Variants in KCNJ9 observed in about 807,000 individuals in gnomAD.
KCNJ9 encodes the protein potassium inwardly rectifying channel subfamily J member 9.
Under a neutral mutation model 27.9 loss-of-function variants are expected in KCNJ9, and 18 were observed. The observed-to-expected ratio is 0.65, with a 90% CI of 0.45 to 0.96. The LOEUF (loss-of-function observed/expected upper bound fraction) is 0.96, where lower values mean the gene tolerates loss of function less well. Among genes scored for constraint, KCNJ9 ranks in the 40% least tolerant of loss-of-function variants. The pLI is 0.00. For missense variants in KCNJ9, 324 were observed against 557.5 expected, an observed-to-expected ratio of 0.58 and a Z score of 4.22; for synonymous variants, 229 against 248.2, an observed-to-expected ratio of 0.92 and a Z score of 0.73.
At chr1:160,085,376 T>C (rs1649758515) in intron 2 of KCNJ9, among the ~76,000 whole-genome samples, 1 of 152,250 alleles carries the variant, frequency 6.6e-6, no homozygotes, top group African/African-American at 2.4e-5. Context: ...GCAATGTGGC[T>C]TCAATGTTTA....
At position 160,084,060 on chromosome 1, in the gene KCNJ9, C is replaced by T. The variant is rs1649731275; in HGVS notation, c.30C>T (p.Pro10=). The part of the protein sequence containing the change: MAQENAAFS[P]GQEEPPRRRG... The stretch of plus-strand genomic sequence containing the variant: ...CGCAGGAGAACGCGGCCTTCTCGCC[C>T]GGGCAGGAGGAGCCGCCGCGGCGCC... The change falls in exon 2 of 3, where the codon CCC becomes CCT. Residue 10 remains proline, a synonymous_variant. Coordinates refer to ENST00000368088, the MANE Select transcript of KCNJ9 (RefSeq NM_004983.3). The T allele has an allele frequency of 2.0e-6, 3 of 1,529,028 alleles. No homozygotes were observed. The East Asian group carries it at 7.4e-5, about 38-fold the overall frequency. 94.7% of individuals were successfully genotyped at this position (1,529,028 alleles called of 1,614,324 possible).
At chr1:160,083,893 C>T (rs1649727493) in intron 1 of KCNJ9, 24 bp from the exon 2 acceptor site, 2 of 766,636 alleles carry the variant, frequency 2.6e-6, no homozygotes, top group Admixed American at 4.8e-5. Flanking sequence ...CGAGGGGCCA[C>T]TCATTCGGCA....
chr1:160,087,879 A>G lies in KCNJ9; in HGVS notation c.*62A>G. ...CAGACACAGATACATGGGGAACTGC[A>G]TATCGGAGGTGGTGGAGGAGGAGGA... On this transcript the variant is annotated 3_prime_UTR_variant, in exon 3 of 3. Coordinates refer to ENST00000368088, the MANE Select transcript of KCNJ9 (RefSeq NM_004983.3). 7.3e-7 allele frequency: 1 copy of G among 1,365,840 alleles called. No individual in the cohort carries two copies. Among genetic ancestry groups the G allele is most frequent in the South Asian group, 1.9e-5 (1 of 53,470 alleles). 84.6% of individuals were successfully genotyped at this position (1,365,840 alleles called of 1,614,324 possible).
chr1:160,083,853 G>A (rs1298259107), intron 1 of KCNJ9, 64 bp from the exon 2 acceptor site: 1 of 416,648 alleles, frequency 2.4e-6, no homozygotes, highest in East Asian at 5.0e-5. Flanking sequence ...GCTCGGTGCT[G>A]GCCCTGATGC....
chr1:160,087,889 T>C lies in KCNJ9; in HGVS notation c.*72T>C. 7 of 1,317,458 alleles carry C rather than the reference T, an allele frequency of 5.3e-6. No homozygotes were observed. The highest frequency in any genetic ancestry group is 6.9e-6 in the Non-Finnish European group (7 of 1,020,452). The allele number at this position is 1,317,458 out of a possible 1,614,324, so 81.6% of individuals were successfully genotyped here. ...TACATGGGGAACTGCATATCGGAGG[T>C]GGTGGAGGAGGAGGAGGAGGAGGAA... On this transcript the variant is annotated 3_prime_UTR_variant, in exon 3 of 3. Transcript: ENST00000368088.
Position 160,084,080 on chromosome 1 carries a change from G to T in KCNJ9, c.50G>T (p.Arg17Leu). 1 of 1,537,126 alleles carries T rather than the reference G, an allele frequency of 6.5e-7. No homozygotes were observed. Among genetic ancestry groups the T allele is most frequent in the Non-Finnish European group, 8.7e-7 (1 of 1,145,024 alleles). The change falls in exon 2 of 3, where the codon CGG (arginine) becomes CTG (leucine). Residue 17 changes from arginine (R) to leucine (L), a missense_variant. This residue lies in a region of KCNJ9 where 32 missense variants were observed against 31.7 expected (regional missense o/e 1.01). Coordinates refer to ENST00000368088, the MANE Select transcript of KCNJ9 (RefSeq NM_004983.3). ...TCGCCCGGGCAGGAGGAGCCGCCGC[G>T]GCGCCGCGGCCGCCAGCGCTACGTG... ...AFSPGQEEPP[R>L]RRGRQRYVEK...
chr1:160,084,147 C>T lies in KCNJ9; in HGVS notation c.117C>T (p.Arg39=), dbSNP rs1331000411. ...GRCNVQQGNV[R]ETYRYLTDLF... Reference sequence around the variant, plus strand: ...GCAACGTGCAGCAGGGCAACGTGCGCGAGACATACCGCTACCTGACGGACC... The same window carrying T: ...GCAACGTGCAGCAGGGCAACGTGCGTGAGACATACCGCTACCTGACGGACC... The change falls in exon 2 of 3, where the codon CGC becomes CGT. Residue 39 remains arginine, a synonymous_variant. Transcript: ENST00000368088. The T allele has an allele frequency of 1.3e-6, 2 of 1,582,990 alleles. No homozygotes were observed. The highest frequency in any genetic ancestry group is 1.3e-5 in the African/African-American group (1 of 74,344).
chr1:160,085,666 G>C (rs190990372), intron 2 of KCNJ9, among the ~76,000 whole-genome samples: 81 of 152,354 alleles, frequency 5.3e-4, no homozygotes, highest in African/African-American at 1.7e-3. Context: ...GACCTACACA[G>C]TGAAGGCTTT....
At position 160,087,930 on chromosome 1, in the gene KCNJ9, A is replaced by C; in HGVS notation, c.*113A>C. 9.0e-7 allele frequency: 1 copy of C among 1,105,986 alleles called. No homozygotes were observed. The highest frequency in any genetic ancestry group is 1.2e-6 in the Non-Finnish European group (1 of 837,842). 68.5% of individuals were successfully genotyped at this position (1,105,986 alleles called of 1,614,324 possible). A position where few individuals can be genotyped will look rare whatever the true frequency, so the allele number is the denominator to read the frequency against. On this transcript the variant is annotated 3_prime_UTR_variant, in exon 3 of 3. Transcript: ENST00000368088. ...GGAGGAGGAAGGCAAAGCCCCTGGA[A>C]ATGTGCTAAAGTTGGAAAGTCCCCG...
In KCNJ9 at chr1:160,084,085, C is replaced by A. The variant is rs1177802489; in HGVS notation, c.55C>A (p.Arg19Ser). Residue 19 changes from arginine to serine, a missense_variant, in exon 2 of 3, where the codon CGC becomes AGC. Arg to Ser is a moderately radical substitution (Grantham distance 110, BLOSUM62 -1). Around this residue, in one of 3 missense-constraint regions of KCNJ9, gnomAD observed 32 missense variants for 31.7 expected, o/e 1.01. Coordinates refer to ENST00000368088, the MANE Select transcript of KCNJ9 (RefSeq NM_004983.3). ...SPGQEEPPRR[R>S]GRQRYVEKDG... Reference sequence around the variant, plus strand: ...CGGGCAGGAGGAGCCGCCGCGGCGCCGCGGCCGCCAGCGCTACGTGGAGAA... The same window carrying A: ...CGGGCAGGAGGAGCCGCCGCGGCGCAGCGGCCGCCAGCGCTACGTGGAGAA... 4 of 1,538,762 alleles carry A rather than the reference C, an allele frequency of 2.6e-6. No individual in the cohort carries two copies. The highest frequency in any genetic ancestry group is 3.5e-6 in the Non-Finnish European group (4 of 1,145,414).
intron 1 of KCNJ9, among the ~76,000 whole-genome samples, chr1:160,082,678 A>C (rs1247855048): frequency 6.6e-6 from 1 of 152,104 alleles, no homozygotes; most frequent in African/African-American, 2.4e-5. Context: ...TCCCCCACCC[A>C]CTAGCCAGCC....
intron 1 of KCNJ9, among the ~76,000 whole-genome samples, chr1:160,083,186 G>GA (rs1013797075): frequency 8.5e-5 from 13 of 152,258 alleles, no homozygotes; most frequent in South Asian, 2.1e-4. Flanking sequence ...TCCACTAGGA[G>GA]AAAAAACCCA....
chr1:160,085,654 C>T (rs974598988), intron 2 of KCNJ9, among the ~76,000 whole-genome samples: 1 of 150,078 alleles, frequency 6.7e-6, no homozygotes. Context: ...AAGTCCAACC[C>T]AGACCTACAC....
chr1:160,087,943 TGGAAA>T lies in KCNJ9; in HGVS notation c.*128_*132del. On this transcript the variant is annotated 3_prime_UTR_variant, in exon 3 of 3. Transcript: ENST00000368088. Reference sequence around the variant, plus strand: ...AAAGCCCCTGGAAATGTGCTAAAGTTGGAAAGTCCCCGTCCCCCAGAACCTCAAGT... The same window carrying T: ...AAAGCCCCTGGAAATGTGCTAAAGTTGTCCCCGTCCCCCAGAACCTCAAGT... 1.0e-6 allele frequency: 1 copy of T among 975,086 alleles called. No homozygotes were observed. Among genetic ancestry groups the T allele is most frequent in the Non-Finnish European group, 1.4e-6 (1 of 724,348 alleles). 60.4% of individuals were successfully genotyped at this position (975,086 alleles called of 1,614,324 possible).
rs547555702 is a variant in KCNJ9, at chr1:160,089,886, C to T, written c.*2069C>T. On this transcript the variant is annotated 3_prime_UTR_variant, in exon 3 of 3. Coordinates refer to ENST00000368088, the MANE Select transcript of KCNJ9 (RefSeq NM_004983.3). ...TCCCACTCCTGCCCTTTCATAAGCC[C>T]CCTGGGGAAAGCACTCCAGTCTTCT... The T allele has an allele frequency of 1.3e-5, 2 of 152,696 alleles. No individual in the cohort carries two copies. Among genetic ancestry groups the T allele is most frequent in the Non-Finnish European group, 2.9e-5 (2 of 68,442 alleles). The allele number at this position is 152,696 out of a possible 1,614,324, so 9.5% of individuals were successfully genotyped here.
At position 160,087,842 on chromosome 1, in the gene KCNJ9, C is replaced by A. The variant is rs1157706311; in HGVS notation, c.*25C>A. 1 of 1,433,068 alleles carries A rather than the reference C, an allele frequency of 7.0e-7. No homozygotes were observed. The highest frequency in any genetic ancestry group is 9.1e-7 in the Non-Finnish European group (1 of 1,093,442). 88.8% of individuals were successfully genotyped at this position (1,433,068 alleles called of 1,614,324 possible). On this transcript the variant is annotated 3_prime_UTR_variant, in exon 3 of 3. Transcript: ENST00000368088. ...ACCAGCTTCCTCCAGACCCCTGTGG[C>A]AGACCGGGGGCCAGACACAGATACA... is the stretch of plus-strand genomic sequence containing the variant.
Position 160,084,291 on chromosome 1 carries a change from C to G in KCNJ9, c.261C>G (p.Gly87=). 3 of 1,613,392 alleles carry G rather than the reference C, an allele frequency of 1.9e-6. No homozygotes were observed. The South Asian group carries it at 3.3e-5, about 18-fold the overall frequency. ...GGTGGCTGATCGCCTACGGCCGCGGCGACCTGGAGCACCTGGAGGACACCG... is the reference window on the plus strand; with the variant it reads ...GGTGGCTGATCGCCTACGGCCGCGGGGACCTGGAGCACCTGGAGGACACCG... The part of the protein sequence containing the change: ...AIWWLIAYGR[G]DLEHLEDTAW... The change falls in exon 2 of 3, where the codon GGC becomes GGG. Residue 87 remains glycine, a synonymous_variant. Transcript: ENST00000368088.
chr1:160,084,600 C>T lies in KCNJ9; in HGVS notation c.570C>T (p.Phe190=), dbSNP rs1173302012. 1 of 1,610,268 alleles carries T rather than the reference C, an allele frequency of 6.2e-7. No individual in the cohort carries two copies. Among genetic ancestry groups the T allele is most frequent in the African/African-American group, 1.3e-5 (1 of 74,988 alleles). Residue 190 remains phenylalanine, a synonymous_variant, in exon 2 of 3, where the codon TTC becomes TTT. Coordinates refer to ENST00000368088, the MANE Select transcript of KCNJ9 (RefSeq NM_004983.3). Reference sequence around the variant, plus strand: ...GCGACGGGCGCCTCTGCCTCATGTTCCGCGTGGGCGACTTGCGCTCCTCAC... The same window carrying T: ...GCGACGGGCGCCTCTGCCTCATGTTTCGCGTGGGCGACTTGCGCTCCTCAC... ...SLRDGRLCLM[F]RVGDLRSSHI... is the part of the protein sequence containing the mutation.
Position 160,081,569 on chromosome 1 carries a change from T to G in KCNJ9, c.-243T>G, listed in dbSNP as rs926005710. The G allele has an allele frequency of 6.6e-6, 1 of 152,184 alleles. No individual in the cohort carries two copies. The highest frequency in any genetic ancestry group is 1.5e-5 in the Non-Finnish European group (1 of 68,060). The allele number at this position is 152,184 out of a possible 1,614,324, so 9.4% of individuals were successfully genotyped here. A position where few individuals can be genotyped will look rare whatever the true frequency, so the allele number is the denominator to read the frequency against. ...AGCAAGTCCTAGTCAGAGCTGCCGC[T>G]ACATTTAGGAGAAACAGCGGTGTCT... On this transcript the variant is annotated 5_prime_UTR_variant, in exon 1 of 3. Coordinates refer to ENST00000368088, the MANE Select transcript of KCNJ9 (RefSeq NM_004983.3).
Sources: gnomAD v4.1 joint callset for allele counts (sites outside exome capture counted in the v4.1 genomes callset) on GRCh38, gnomAD v4.1.1 for gene constraint, gnomAD v4.1.1 regional missense constraint, MANE v1.5 for transcripts, NCBI Gene and HGNC (gene_info 2026-07-23, HGNC 2026-07-21) for gene names.